Variants in ARL8A observed in about 807,000 individuals in gnomAD.
The protein encoded by ARL8A is ADP-ribosylation factor-like protein 8A.
Under a neutral mutation model 31.2 loss-of-function variants are expected in ARL8A, and 10 were observed. The ratio of observed to expected loss-of-function variants is 0.32; its 90% CI spans 0.20 to 0.54. ARL8A has a LOEUF of 0.54. Among genes scored for constraint, ARL8A ranks in the 20% least tolerant of loss-of-function variants. ARL8A has a pLI of 0.93. For synonymous variants in ARL8A, 70 were observed against 86.9 expected (o/e 0.81, Z 1.08); for missense variants, 129 against 242.8 (o/e 0.53, Z 3.12).
At position 202,138,509 on chromosome 1, in the gene ARL8A, A is replaced by G. The variant is rs1477134289; in HGVS notation, c.124-61T>C. On this transcript the variant is annotated intron_variant, in intron 1 of 6. Coordinates refer to ENST00000272217, the MANE Select transcript of ARL8A (RefSeq NM_138795.4). This position sits in a 1 kb window ranked among gnomAD's most constrained non-coding sequence, Gnocchi z 4.4. Reference sequence around the variant, plus strand: ...AATCGATATGCCCCCACCGCAGACCAAGAGGCTGCGAGAACCATGCAGAGG... The same window carrying G: ...AATCGATATGCCCCCACCGCAGACCGAGAGGCTGCGAGAACCATGCAGAGG... The G allele has an allele frequency of 4.6e-6, 7 of 1,505,994 alleles. No individual in the cohort carries two copies. The highest frequency in any genetic ancestry group is 6.5e-6 in the Non-Finnish European group (7 of 1,082,634). 93.3% of individuals were successfully genotyped at this position (1,505,994 alleles called of 1,614,324 possible). A position where few individuals can be genotyped will look rare whatever the true frequency, so the allele number is the denominator to read the frequency against.
Position 202,144,589 on chromosome 1 carries a change from C to T in ARL8A, c.-17G>A, listed in dbSNP as rs1436496171. ...AGCGATCATGGTCGCTGCCGCCGGCCCCGCCCGGTGCCAGGTCCCCGCCGC... is the reference window on the plus strand; with the variant it reads ...AGCGATCATGGTCGCTGCCGCCGGCTCCGCCCGGTGCCAGGTCCCCGCCGC... On this transcript the variant is annotated 5_prime_UTR_variant, in exon 1 of 7. Coordinates refer to ENST00000272217, the MANE Select transcript of ARL8A (RefSeq NM_138795.4). This position sits in a 1 kb window ranked among gnomAD's most constrained non-coding sequence, Gnocchi z 5.2. 1 of 1,405,134 alleles carries T rather than the reference C, an allele frequency of 7.1e-7. No homozygotes were observed. Among genetic ancestry groups the T allele is most frequent in the Non-Finnish European group, 9.5e-7 (1 of 1,057,042 alleles). 87.0% of individuals were successfully genotyped at this position (1,405,134 alleles called of 1,614,324 possible).
At chr1:202,140,300 T>TTC (rs1365205179) in intron 1 of ARL8A, among the ~76,000 whole-genome samples, 6 of 127,096 alleles carry the variant, frequency 4.7e-5, no homozygotes, top group Admixed American at 3.6e-4. Flanking sequence ...TAGCTAATTT[T>TTC]TTTTTTTTTT....
At chr1:202,136,473 G>A (rs1655009235) in intron 3 of ARL8A, among the ~76,000 whole-genome samples, 2 of 152,194 alleles carry the variant, frequency 1.3e-5, no homozygotes, top group South Asian at 4.1e-4. Context: ...CAGAGATGGG[G>A]TTTCACCATG....
At chr1:202,141,116 A>G (rs1655155445) in intron 1 of ARL8A, among the ~76,000 whole-genome samples, 1 of 152,162 alleles carries the variant, frequency 6.6e-6, no homozygotes, top group South Asian at 2.1e-4. Context: ...AGGACCTTCA[A>G]GGAGCCAGGC....
chr1:202,136,571 A>T (rs1458159960), intron 3 of ARL8A, among the ~76,000 whole-genome samples: 1 of 151,452 alleles, frequency 6.6e-6, no homozygotes, highest in Non-Finnish European at 1.5e-5. Flanking sequence ...GAGCCACCGC[A>T]TCCAGCCTAT....
rs529861434 is a variant in ARL8A at position 202,143,848 on chromosome 1, G to C, written c.123+602C>G. 3.9e-5 allele frequency among the ~76,000 whole-genome samples: 6 copies of C among 152,348 alleles called. No homozygotes were observed. The East Asian group carries it at 1.2e-3, about 30-fold the overall frequency. Reference sequence around the variant, plus strand: ...CCTGGACCCCCGGCTAGACACTGCGGGTCGGGGAGAAGTTGGGGAGGAGTC... The same window carrying C: ...CCTGGACCCCCGGCTAGACACTGCGCGTCGGGGAGAAGTTGGGGAGGAGTC... On this transcript the variant is annotated intron_variant, in intron 1 of 6. Transcript: ENST00000272217.
chr1:202,136,526 G>A (rs747039067), intron 3 of ARL8A, among the ~76,000 whole-genome samples: 4 of 151,976 alleles, frequency 2.6e-5, no homozygotes, highest in South Asian at 2.1e-4. Context: ...TGATCCACTC[G>A]TCTCGGGCTC....
intron 1 of ARL8A, among the ~76,000 whole-genome samples, chr1:202,142,478 G>A (rs2147814254): frequency 6.6e-6 from 1 of 152,370 alleles, no homozygotes; most frequent in East Asian, 1.9e-4. Flanking sequence ...CAGAGGATCT[G>A]AAAACACTGG....
In ARL8A at chr1:202,144,487, TGAA is replaced by T; in HGVS notation, c.83_85del (p.Leu28del). ...GACGAAGGTGGTCTTGCCCGAGTAC[TGAA>T]GCCCGACCAGCGTGAGCTCCATCTC... is the stretch of plus-strand genomic sequence containing the variant. On this transcript the variant is annotated inframe_deletion, in exon 1 of 7. Transcript: ENST00000272217. The surrounding 1 kb of genome is among the most constrained non-coding windows in gnomAD (Gnocchi z 5.2). 1 of 1,481,318 alleles carries T rather than the reference TGAA, an allele frequency of 6.8e-7. No homozygotes were observed. The highest frequency in any genetic ancestry group is 9.1e-7 in the Non-Finnish European group (1 of 1,097,902). 91.8% of individuals were successfully genotyped at this position (1,481,318 alleles called of 1,614,324 possible). A position where few individuals can be genotyped will look rare whatever the true frequency, so the allele number is the denominator to read the frequency against.
In ARL8A at chr1:202,138,371, G is replaced by A; in HGVS notation, c.201C>T (p.Ile67=). 1 of 1,613,164 alleles carries A rather than the reference G, an allele frequency of 6.2e-7. No individual in the cohort carries two copies. Among genetic ancestry groups the A allele is most frequent in the South Asian group, 1.1e-5 (1 of 91,056 alleles). The change falls in exon 2 of 7, where the codon ATC becomes ATT. Residue 67 remains isoleucine, a synonymous_variant. Transcript: ENST00000272217. This position sits in a 1 kb window ranked among gnomAD's most constrained non-coding sequence, Gnocchi z 4.4. ...CCCCAAGCTTCTGGGCCCTCACCTT[G>A]ATAGTCACATTCCCTTTGGTGATTT... is the stretch of plus-strand genomic sequence containing the variant. The part of the protein sequence containing the change: ...MRKITKGNVT[I]KLWDIGGQPR...
Position 202,135,456 on chromosome 1 carries a change from C to T in ARL8A, c.440+3G>A, listed in dbSNP as rs747622594. The T allele has an allele frequency of 6.2e-6, 10 of 1,613,936 alleles. No homozygotes were observed. The South Asian group carries it at 9.9e-5, about 16-fold the overall frequency. The stretch of plus-strand genomic sequence containing the variant: ...GAAAGTAATATAGAGTCACCCAACT[C>T]ACATTTTCTCAATCAGCTCCTTCTC... On this transcript the variant is annotated splice_donor_region_variant and intron_variant, in intron 5 of 6. Transcript: ENST00000272217. The surrounding 1 kb of genome is among the most constrained non-coding windows in gnomAD (Gnocchi z 5.3).
chr1:202,142,189 A>G (rs564977295), intron 1 of ARL8A, among the ~76,000 whole-genome samples: 2 of 152,256 alleles, frequency 1.3e-5, no homozygotes, highest in Non-Finnish European at 2.9e-5. Context: ...TCTTAGAAGC[A>G]GTGTATATAA....
At position 202,133,731 on chromosome 1, in the gene ARL8A, A is replaced by G. The variant is rs1174997667; in HGVS notation, c.*736T>C. The stretch of plus-strand genomic sequence containing the variant: ...GCAGGAGGGGGCTGCTGGGGCATGG[A>G]CGCTGGCTTTCTGCCCCGTGTGCCT... On this transcript the variant is annotated 3_prime_UTR_variant, in exon 7 of 7. Coordinates refer to ENST00000272217, the MANE Select transcript of ARL8A (RefSeq NM_138795.4). 6.6e-6 allele frequency: 1 copy of G among 151,854 alleles called. No homozygotes were observed. Among genetic ancestry groups the G allele is most frequent in the Non-Finnish European group, 1.5e-5 (1 of 67,960 alleles). 9.4% of individuals were successfully genotyped at this position (151,854 alleles called of 1,614,324 possible).
chr1:202,139,632 C>CTTTTTTTTT (rs71141457), intron 1 of ARL8A, among the ~76,000 whole-genome samples: 1 of 50,532 alleles, frequency 2.0e-5, no homozygotes, highest in Non-Finnish European at 3.4e-5. Flanking sequence ...AGCCCTGTTC[C>CTTTTTTTTT]TTTTTTTTTT....
intron 1 of ARL8A, among the ~76,000 whole-genome samples, chr1:202,142,297 A>T (rs766524338): frequency 6.6e-6 from 1 of 152,396 alleles, no homozygotes; most frequent in Middle Eastern, 3.4e-3. Flanking sequence ...AAAAAACCCA[A>T]TGGCGAAAGA....
rs551884295 is a variant in ARL8A, at chr1:202,137,098, C to T, written c.278+867G>A. Among the ~76,000 whole-genome samples the T allele has an allele frequency of 1.8e-4, 27 of 152,086 alleles. No homozygotes were observed. The South Asian group carries it at 5.2e-3, about 29-fold the overall frequency. ...GTCTCGATCTTCTGACCTCGTGATC[C>T]GCCCACCTCGGCCTCCCAAAGTGCT... On this transcript the variant is annotated intron_variant, in intron 3 of 6. Coordinates refer to ENST00000272217, the MANE Select transcript of ARL8A (RefSeq NM_138795.4).
At chr1:202,136,008 GGCCTGCCATTA>G (rs1303430993) in intron 3 of ARL8A, among the ~76,000 whole-genome samples, 1 of 152,104 alleles carries the variant, frequency 6.6e-6, no homozygotes, top group Non-Finnish European at 1.5e-5. Flanking sequence ...GGACTCCTTA[GGCCTGCCATTA>G]GCCTCCAAGT....
intron 1 of ARL8A, among the ~76,000 whole-genome samples, chr1:202,142,283 G>A (rs997180585): frequency 4.6e-5 from 7 of 152,222 alleles, no homozygotes; most frequent in Non-Finnish European, 1.0e-4. Context: ...CATAGGGTGA[G>A]TAGAAAAAAC....
rs892652463 is a variant in ARL8A at position 202,138,995 on chromosome 1, C to T, written c.124-547G>A. Among the ~76,000 whole-genome samples the T allele has an allele frequency of 1.3e-5, 2 of 152,206 alleles. No individual in the cohort carries two copies. Among genetic ancestry groups the T allele is most frequent in the Non-Finnish European group, 2.9e-5 (2 of 68,038 alleles). The stretch of plus-strand genomic sequence containing the variant: ...TCCAGTTATTGGGAAGGATAACCTA[C>T]ACTCTATATCGTCTGCTTATTTATC... On this transcript the variant is annotated intron_variant, in intron 1 of 6. Coordinates refer to ENST00000272217, the MANE Select transcript of ARL8A (RefSeq NM_138795.4). The surrounding 1 kb of genome is among the most constrained non-coding windows in gnomAD (Gnocchi z 4.4).
Sources: allele counts gnomAD v4.1 joint callset (sites outside exome capture counted in the v4.1 genomes callset), GRCh38; gene constraint gnomAD v4.1.1; non-coding constraint Gnocchi (gnomAD v3.1); transcripts MANE v1.5; gene names NCBI Gene and HGNC (gene_info 2026-07-23, HGNC 2026-07-21).